The following TRMT11 variants were observed in gnomAD, a reference collection of about 807,000 sequenced individuals.
The protein encoded by TRMT11 is tRNA methyltransferase 11, also known as tRNA (guanine(10)-N(2))-methyltransferase TRMT11.
Under a neutral mutation model 62.8 loss-of-function variants are expected in TRMT11, and 53 were observed. The observed-to-expected ratio is 0.84, with a 90% CI of 0.68 to 1.06. TRMT11 has a LOEUF of 1.06. Ranked by LOEUF, TRMT11 falls within the 50% of genes least tolerant of loss-of-function variation. TRMT11 has a pLI of 0.00. For synonymous variants in TRMT11, 188 were observed against 190.3 expected (o/e 0.99, Z 0.10); for missense variants, 556 against 553.4 (o/e 1.00, Z -0.05).
chr6:126,206,476 T>G (rs920718157), downstream of TRMT11, among the ~76,000 whole-genome samples: 1 of 152,252 alleles, frequency 6.6e-6, no homozygotes, highest in Non-Finnish European at 1.5e-5. Flanking sequence ...CCACTTTAGT[T>G]CACAGCACAA....
rs545533471 is a variant in TRMT11, at chr6:126,056,285, T to G, written c.*1437+3095T>G. Reference sequence around the variant, plus strand: ...ACACAGAGCCTAAAACTAAATCCATTAGGCGAGGAGTTGAATCATGGTAAG... The same window carrying G: ...ACACAGAGCCTAAAACTAAATCCATGAGGCGAGGAGTTGAATCATGGTAAG... On this transcript the variant is annotated intron_variant and NMD_transcript_variant, in intron 17 of 22. Transcript: ENST00000648977. 2.6e-5 allele frequency among the ~76,000 whole-genome samples: 4 copies of G among 152,330 alleles called. No individual in the cohort carries two copies. In the South Asian group the frequency reaches 8.3e-4, roughly 32 times the overall value.
At chr6:126,237,089 G>A in the TRMT11 span, among the ~76,000 whole-genome samples, 1 of 152,016 alleles carries the variant, frequency 6.6e-6, no homozygotes, top group Middle Eastern at 3.2e-3. Context: ...GAGAGAGAGA[G>A]AGAGAGACTG....
intron 17 of TRMT11, among the ~76,000 whole-genome samples, chr6:126,078,579 G>A (rs1478118883): frequency 6.6e-6 from 1 of 152,042 alleles, no homozygotes; most frequent in African/African-American, 2.4e-5. Flanking sequence ...ATTTGTCATG[G>A]GCCCTGGATT....
intron 16 of TRMT11, among the ~76,000 whole-genome samples, chr6:126,048,079 T>G (rs1022781925): frequency 6.6e-6 from 1 of 152,230 alleles, no homozygotes; most frequent in Non-Finnish European, 1.5e-5. Context: ...TTCTGCTGCC[T>G]GAAACAAAGC....
intron 8 of TRMT11, among the ~76,000 whole-genome samples, chr6:126,011,023 AG>A (rs916604660): frequency 6.6e-6 from 1 of 152,178 alleles, no homozygotes; most frequent in African/African-American, 2.4e-5. Context: ...GTTTTAAGGC[AG>A]TTTTACTTGG....
the TRMT11 span, among the ~76,000 whole-genome samples, chr6:126,267,892 T>C: frequency 1.3e-5 from 2 of 151,350 alleles, no homozygotes; most frequent in African/African-American, 2.4e-5. Flanking sequence ...GCCATGACTA[T>C]TTTTTTTTCT....
chr6:126,075,614 A>G (rs1412307025), intron 17 of TRMT11, among the ~76,000 whole-genome samples: 3 of 152,056 alleles, frequency 2.0e-5, no homozygotes, highest in East Asian at 3.9e-4. Flanking sequence ...ACCATGAGCC[A>G]ATTAAACCTC....
intron 17 of TRMT11, among the ~76,000 whole-genome samples, chr6:126,053,220 G>A (rs935530519): frequency 2.6e-5 from 4 of 152,124 alleles, no homozygotes; most frequent in Admixed American, 6.5e-5. Flanking sequence ...AGTGTGATCC[G>A]TCTTTCCACA....
chr6:126,200,250 C>T lies in TRMT11; in HGVS notation n.371+350C>T, dbSNP rs112027114. On this transcript the variant is annotated intron_variant and non_coding_transcript_variant, in intron 3 of 3. Transcript: ENST00000444229. ...CCTGACAAAGATCCTCGAAGATATC[C>T]AAAACAGGTTTTGAGGATGGCTCCT... Among the ~76,000 whole-genome samples, 400 of 152,256 alleles carry T rather than the reference C, an allele frequency of 2.6e-3. 1 individual carries two copies. Among genetic ancestry groups the T allele is most frequent in the African/African-American group, 9.2e-3 (381 of 41,564 alleles).
the TRMT11 span, among the ~76,000 whole-genome samples, chr6:126,250,805 C>CT: frequency 2.6e-5 from 4 of 152,068 alleles, no homozygotes; most frequent in African/African-American, 7.2e-5. Context: ...TATCAGTGGG[C>CT]TTTTTTTCAT....
intron 17 of TRMT11, among the ~76,000 whole-genome samples, chr6:126,101,849 CTG>C (rs1349806853): frequency 2.0e-5 from 3 of 152,190 alleles, no homozygotes; most frequent in Non-Finnish European, 2.9e-5. Context: ...TGCCAATTGT[CTG>C]TGTGAAAACA....
chr6:126,114,214 C>T (rs370501708), intron 18 of TRMT11, among the ~76,000 whole-genome samples: 4 of 152,094 alleles, frequency 2.6e-5, no homozygotes, highest in South Asian at 2.1e-4. Context: ...TTTCTTAATA[C>T]GGGTCGCAGC....
At chr6:126,192,474 C>G (rs1336427760) in intron 1 of TRMT11, among the ~76,000 whole-genome samples, 1 of 152,006 alleles carries the variant, frequency 6.6e-6, no homozygotes, top group Non-Finnish European at 1.5e-5. Flanking sequence ...ACTTCTAGTA[C>G]TACATTGAAT....
At chr6:126,062,401 T>G (rs549977143) in intron 17 of TRMT11, among the ~76,000 whole-genome samples, 62 of 152,362 alleles carry the variant, frequency 4.1e-4, no homozygotes, top group African/African-American at 1.5e-3. Context: ...CTCCCTTGCC[T>G]TGAGGTACTT....
intron 8 of TRMT11, 37 bp downstream of exon 8, chr6:126,008,509 T>A (rs775671776): frequency 6.5e-7 from 1 of 1,546,812 alleles, no homozygotes; most frequent in African/African-American, 1.4e-5. Flanking sequence ...TAGTCATTGC[T>A]GTGGTGCCAA....
chr6:126,205,327 AC>A (rs1365605723), downstream of TRMT11, among the ~76,000 whole-genome samples: 1 of 152,040 alleles, frequency 6.6e-6, no homozygotes, highest in Non-Finnish European at 1.5e-5. Context: ...ACATGGTGAA[AC>A]CCCCGTCTCT....
intron 21 of TRMT11, among the ~76,000 whole-genome samples, chr6:126,160,590 C>G (rs1447048178): frequency 1.3e-5 from 2 of 152,054 alleles, no homozygotes; most frequent in Non-Finnish European, 1.5e-5. Context: ...AGCTGTGTTT[C>G]TAACTCTCCT....
intron 21 of TRMT11, among the ~76,000 whole-genome samples, chr6:126,147,097 G>T (rs1406258355): frequency 2.6e-5 from 1 of 38,520 alleles, no homozygotes; most frequent in East Asian, 2.4e-4. Flanking sequence ...AAGAGGTGAG[G>T]ATTGAATTGG....
chr6:126,163,859 T>C (rs552228446), intron 21 of TRMT11, among the ~76,000 whole-genome samples: 7 of 152,324 alleles, frequency 4.6e-5, no homozygotes, highest in African/African-American at 1.4e-4. Context: ...TTGATTCTTC[T>C]CTCTTTTCTG....
Sources: gnomAD v4.1 joint callset for allele counts (sites outside exome capture counted in the v4.1 genomes callset) on GRCh38, gnomAD v4.1.1 for gene constraint, MANE v1.5 for transcripts, NCBI Gene and HGNC (gene_info 2026-07-23, HGNC 2026-07-21) for gene names.